Variants in UNC5C observed in about 807,000 individuals in gnomAD.
UNC5C encodes netrin receptor UNC5C.
Under a neutral mutation model 99.8 loss-of-function variants are expected in UNC5C, and 47 were observed. The observed-to-expected ratio is 0.47, with a 90% confidence interval of 0.37 to 0.60. UNC5C has a LOEUF of 0.60. Ranked by LOEUF, UNC5C falls within the 20% of genes least tolerant of loss-of-function variation. The pLI is 0.00. For missense variants in UNC5C, 1,062 were observed against 1,165.9 expected (o/e 0.91, Z 1.30); for synonymous variants, 487 against 452.2 (o/e 1.08, Z -0.98).
chr4:95,407,873 T>C (rs1745873354), intron 1 of UNC5C, among the ~76,000 whole-genome samples: 1 of 152,100 alleles, frequency 6.6e-6, no homozygotes, highest in African/African-American at 2.4e-5. Context: ...TTTGCAATAG[T>C]TGAAAGTCAA....
chr4:95,228,177 A>G (rs1738765250), intron 7 of UNC5C, among the ~76,000 whole-genome samples: 1 of 152,200 alleles, frequency 6.6e-6, no homozygotes, highest in African/African-American at 2.4e-5. Flanking sequence ...TGAGAGTCTC[A>G]AGAATAATGC....
intron 1 of UNC5C, among the ~76,000 whole-genome samples, chr4:95,486,950 C>G (rs1371723520): frequency 6.6e-6 from 1 of 151,648 alleles, no homozygotes; most frequent in African/African-American, 2.4e-5. Flanking sequence ...ATGAATGGAT[C>G]AAGGCCAATT....
intron 1 of UNC5C, among the ~76,000 whole-genome samples, chr4:95,374,618 A>T (rs1744839607): frequency 6.6e-6 from 1 of 152,104 alleles, no homozygotes; most frequent in African/African-American, 2.4e-5. Flanking sequence ...TGAGCAGAAA[A>T]TTCTGGAATC....
At chr4:95,302,637 A>C (rs1297319626) in intron 2 of UNC5C, among the ~76,000 whole-genome samples, 1 of 152,224 alleles carries the variant, frequency 6.6e-6, no homozygotes, top group East Asian at 1.9e-4. Flanking sequence ...GTGTCCATTG[A>C]GGGAACCAGC....
intron 11 of UNC5C, among the ~76,000 whole-genome samples, chr4:95,204,632 C>T (rs1029723618): frequency 2.0e-5 from 3 of 152,238 alleles, no homozygotes; most frequent in African/African-American, 4.8e-5. Context: ...GAAATCCACG[C>T]GTGAGCATGA....
intron 1 of UNC5C, among the ~76,000 whole-genome samples, chr4:95,357,097 C>G (rs1451268278): frequency 6.6e-6 from 1 of 151,310 alleles, no homozygotes; most frequent in Admixed American, 6.6e-5. Flanking sequence ...TTTTGAGCTA[C>G]CCCTGTGGAC....
chr4:95,512,323 A>G (rs1722098157), intron 1 of UNC5C, among the ~76,000 whole-genome samples: 1 of 152,214 alleles, frequency 6.6e-6, no homozygotes, highest in South Asian at 2.1e-4. Flanking sequence ...GGATTGGAGT[A>G]AGGCAATTAT....
At chr4:95,193,430 C>T (rs1737239494) in intron 12 of UNC5C, among the ~76,000 whole-genome samples, 1 of 152,190 alleles carries the variant, frequency 6.6e-6, no homozygotes, top group Non-Finnish European at 1.5e-5. Context: ...CCCACCTTCA[C>T]CTTGATTCTG....
intron 15 of UNC5C, among the ~76,000 whole-genome samples, chr4:95,169,735 A>G (rs1359062662): frequency 1.4e-5 from 2 of 139,870 alleles, no homozygotes; most frequent in East Asian, 4.1e-4. Flanking sequence ...TATGTTTGGT[A>G]GTGACGGTGA....
intron 4 of UNC5C, among the ~76,000 whole-genome samples, chr4:95,276,365 G>C (rs1186993478): frequency 6.6e-6 from 1 of 151,966 alleles, no homozygotes. Flanking sequence ...AGTTTTAATT[G>C]GTCTCTTCCC....
chr4:95,462,180 C>T (rs561044400), intron 1 of UNC5C, among the ~76,000 whole-genome samples: 1 of 152,066 alleles, frequency 6.6e-6, no homozygotes, highest in African/African-American at 2.4e-5. Context: ...ACTTTCCCCC[C>T]CTTTCTCTTT....
intron 7 of UNC5C, among the ~76,000 whole-genome samples, chr4:95,236,662 T>G (rs1739130107): frequency 6.6e-6 from 1 of 152,032 alleles, no homozygotes; most frequent in South Asian, 2.1e-4. Flanking sequence ...AATCTCATTA[T>G]CCCAGAAAAT....
chr4:95,486,621 A>G (rs6834411), intron 1 of UNC5C, among the ~76,000 whole-genome samples: 58,025 of 151,396 alleles, frequency 0.38, 11,676 homozygotes, highest in Non-Finnish European at 0.45. Context: ...AACTGCTACC[A>G]GAGTTATTAT....
At chr4:95,270,697 T>A (rs1180184095) in intron 4 of UNC5C, among the ~76,000 whole-genome samples, 2 of 152,188 alleles carry the variant, frequency 1.3e-5, no homozygotes, top group Non-Finnish European at 2.9e-5. Context: ...ACAAATGAAC[T>A]AATACCAACA....
intron 1 of UNC5C, among the ~76,000 whole-genome samples, chr4:95,446,486 A>T (rs186602194): frequency 6.6e-6 from 1 of 152,290 alleles, no homozygotes; most frequent in African/African-American, 2.4e-5. Context: ...AAGAAACTTC[A>T]GGGCGAGGAA....
chr4:95,520,001 A>AAG (rs1348687107), intron 1 of UNC5C, among the ~76,000 whole-genome samples: 2 of 152,224 alleles, frequency 1.3e-5, no homozygotes, highest in African/African-American at 4.8e-5. Context: ...TGAGCAAAGC[A>AAG]AGATGGATTC....
At chr4:95,250,071 G>A (rs1739636974) in intron 5 of UNC5C, among the ~76,000 whole-genome samples, 1 of 152,166 alleles carries the variant, frequency 6.6e-6, no homozygotes, top group Non-Finnish European at 1.5e-5. Flanking sequence ...AGAAGCAGCA[G>A]GCACTCAGGT....
At chr4:95,323,776 G>T (rs1742784334) in intron 2 of UNC5C, among the ~76,000 whole-genome samples, 1 of 152,172 alleles carries the variant, frequency 6.6e-6, no homozygotes, top group Non-Finnish European at 1.5e-5. Flanking sequence ...GGTGGCTCAT[G>T]CCTGTAATCC....
rs374505600 is a variant in UNC5C at position 95,372,010 on chromosome 4, C to A, written c.125-36379G>T. On this transcript the variant is annotated intron_variant, in intron 1 of 15. Coordinates refer to ENST00000453304, the MANE Select transcript of UNC5C (RefSeq NM_003728.4). ...AATTGCACTGTTTCCTATCAATTGC[C>A]TCTTCAGTGCAATGCCTCCTGAAAC... Among the ~76,000 whole-genome samples, 33 of 152,294 alleles carry A rather than the reference C, an allele frequency of 2.2e-4. No individual in the cohort carries two copies. In the South Asian group the frequency reaches 4.6e-3, roughly 21 times the overall value.
Sources: gnomAD v4.1 joint callset for allele counts (sites outside exome capture counted in the v4.1 genomes callset) on GRCh38, gnomAD v4.1.1 for gene constraint, MANE v1.5 for transcripts, NCBI Gene and HGNC (gene_info 2026-07-23, HGNC 2026-07-21) for gene names.